Variants in HGSNAT observed in about 807,000 individuals in gnomAD.
HGSNAT encodes the protein heparan-alpha-glucosaminide N-acetyltransferase.
In HGSNAT, 59 loss-of-function variants were observed where a neutral mutation model predicts 85.2. The observed-to-expected ratio is 0.69, with a 90% CI of 0.56 to 0.86. HGSNAT has a LOEUF of 0.86. Among genes scored for constraint, HGSNAT ranks in the 40% least tolerant of loss-of-function variants. The pLI is 0.00. For synonymous variants in HGSNAT, 321 were observed against 304.5 expected, an observed-to-expected ratio of 1.05 and a Z score of -0.56; for missense variants, 756 against 777.1, an observed-to-expected ratio of 0.97 and a Z score of 0.32.
At chr8:43,191,432 G>A (rs1449368349) in intron 11 of HGSNAT, 42 bp from the exon 12 acceptor site, 2 of 1,599,120 alleles carry the variant, frequency 1.3e-6, no homozygotes, top group Non-Finnish European at 1.7e-6. Flanking sequence ...CCTTCTATTT[G>A]CATTTAGTTC....
At position 43,170,543 on chromosome 8, in the gene HGSNAT, T is replaced by A; in HGVS notation, c.634-42T>A. 2.2e-6 allele frequency: 3 copies of A among 1,373,518 alleles called. No individual in the cohort carries two copies. The South Asian group carries it at 3.7e-5, about 17-fold the overall frequency. The allele number at this position is 1,373,518 out of a possible 1,614,324, so 85.1% of individuals were successfully genotyped here. A position where few individuals can be genotyped will look rare whatever the true frequency, so the allele number is the denominator to read the frequency against. On this transcript the variant is annotated intron_variant, in intron 6 of 17. Transcript: ENST00000379644. The stretch of plus-strand genomic sequence containing the variant: ...AAAATGACAAAATGAAATTTACCCC[T>A]TAGCATTATGAGTTGTCATCTTTCT...
At chr8:43,164,952 G>C (rs1222217015) in intron 5 of HGSNAT, among the ~76,000 whole-genome samples, 1 of 151,388 alleles carries the variant, frequency 6.6e-6, no homozygotes, top group Non-Finnish European at 1.5e-5. Context: ...CATACTCAAC[G>C]CTTATTGACC....
intron 5 of HGSNAT, 70 bp from the exon 6 acceptor site, chr8:43,169,103 T>G: frequency 1.3e-6 from 1 of 794,576 alleles, no homozygotes; most frequent in Non-Finnish European, 1.9e-6. Context: ...TTTATTTCCA[T>G]ATAATATCCA....
chr8:43,143,467 G>A (rs1314929956), intron 1 of HGSNAT, among the ~76,000 whole-genome samples: 1 of 152,108 alleles, frequency 6.6e-6, no homozygotes, highest in Non-Finnish European at 1.5e-5. Flanking sequence ...GTGACTTTGG[G>A]CAAGCTGCTT....
intron 1 of HGSNAT, among the ~76,000 whole-genome samples, chr8:43,140,879 C>T (rs1351371271): frequency 1.3e-5 from 2 of 152,170 alleles, no homozygotes; most frequent in East Asian, 3.9e-4. Context: ...AGGCGGCGCC[C>T]ACCCCAGCGG....
chr8:43,163,600 C>T (rs762197024), intron 5 of HGSNAT, among the ~76,000 whole-genome samples: 2 of 150,606 alleles, frequency 1.3e-5, no homozygotes, highest in African/African-American at 2.4e-5. Context: ...GATCTCTGCT[C>T]GCTGCAACCT....
At chr8:43,165,996 TTGAA>T (rs1803423085) in intron 5 of HGSNAT, among the ~76,000 whole-genome samples, 1 of 152,132 alleles carries the variant, frequency 6.6e-6, no homozygotes, top group South Asian at 2.1e-4. Flanking sequence ...TGGAGAAAGT[TTGAA>T]TGGTCTGGAT....
intron 2 of HGSNAT, among the ~76,000 whole-genome samples, chr8:43,149,122 T>TAAAA: frequency 6.7e-6 from 1 of 148,616 alleles, no homozygotes; most frequent in East Asian, 2.0e-4. Flanking sequence ...TCTCAAAAAA[T>TAAAA]AAATAAATAA....
chr8:43,181,264 C>A (rs890276735), intron 10 of HGSNAT, among the ~76,000 whole-genome samples: 19 of 149,468 alleles, frequency 1.3e-4, no homozygotes, highest in Admixed American at 6.1e-4. Context: ...TAGTGTGCGG[C>A]AGTTCACGAA....
intron 4 of HGSNAT, among the ~76,000 whole-genome samples, chr8:43,160,341 G>C (rs1285862505): frequency 2.0e-5 from 3 of 152,212 alleles, no homozygotes; most frequent in Non-Finnish European, 4.4e-5. Context: ...GTAAGTGATT[G>C]TGATTCAGGC....
At chr8:43,151,370 C>T (rs568439474) in intron 2 of HGSNAT, among the ~76,000 whole-genome samples, 10 of 152,288 alleles carry the variant, frequency 6.6e-5, no homozygotes, top group Non-Finnish European at 7.4e-5. Flanking sequence ...GGAAAAATAA[C>T]GGAACCTGCC....
At chr8:43,196,718 C>T (rs1804739483) in intron 14 of HGSNAT, 1 of 581,336 alleles carries the variant, frequency 1.7e-6, no homozygotes, top group South Asian at 1.9e-5. Flanking sequence ...CTCGTCCTCT[C>T]TGATGCCTCC....
intron 7 of HGSNAT, 56 bp from the exon 8 acceptor site, chr8:43,172,254 C>A: frequency 8.3e-7 from 1 of 1,198,524 alleles, no homozygotes; most frequent in Non-Finnish European, 1.2e-6. Flanking sequence ...TTCAGTTCAG[C>A]CCTTCCTTTT....
chr8:43,158,887 C>A (rs1803178977), intron 3 of HGSNAT, 36 bp from the exon 4 acceptor site: 1 of 1,583,654 alleles, frequency 6.3e-7, no homozygotes, highest in Non-Finnish European at 8.6e-7. Context: ...ATTTTCTAAT[C>A]TAACCACTTG....
At chr8:43,172,123 G>A (rs1446904963) in intron 7 of HGSNAT, among the ~76,000 whole-genome samples, 187 bp from the exon 8 acceptor site, 2 of 152,188 alleles carry the variant, frequency 1.3e-5, no homozygotes, top group Non-Finnish European at 2.9e-5. Flanking sequence ...TGTAGTGCAT[G>A]GTCCTAATTG....
intron 11 of HGSNAT, among the ~76,000 whole-genome samples, chr8:43,185,988 C>A (rs1362849360): frequency 2.0e-5 from 3 of 152,136 alleles, no homozygotes; most frequent in Admixed American, 6.5e-5. Context: ...GGAATGAAGC[C>A]GACTTGATCA....
intron 5 of HGSNAT, among the ~76,000 whole-genome samples, chr8:43,162,588 G>C (rs1335937184): frequency 6.8e-6 from 1 of 148,070 alleles, no homozygotes; most frequent in East Asian, 2.0e-4. Flanking sequence ...TCTCACTCTT[G>C]TCATCCAGGC....
At chr8:43,143,135 G>A (rs1338361153) in intron 1 of HGSNAT, among the ~76,000 whole-genome samples, 2 of 152,186 alleles carry the variant, frequency 1.3e-5, no homozygotes, top group East Asian at 3.8e-4. Flanking sequence ...TGTCTTTAAT[G>A]TAGAGAAGTT....
At chr8:43,158,179 A>T (rs1163525637) in intron 2 of HGSNAT, among the ~76,000 whole-genome samples, 1 of 151,894 alleles carries the variant, frequency 6.6e-6, no homozygotes, top group African/African-American at 2.4e-5. Flanking sequence ...GCTCACTGCA[A>T]CCTCCTACTC....
Sources: allele counts gnomAD v4.1 joint callset (sites outside exome capture counted in the v4.1 genomes callset), GRCh38; gene constraint gnomAD v4.1.1; transcripts MANE v1.5; gene names NCBI Gene and HGNC (gene_info 2026-07-23, HGNC 2026-07-21).